The following RBBP5 variants were observed in gnomAD, a reference collection of about 807,000 sequenced individuals.
RBBP5 encodes RB binding protein 5, histone lysine methyltransferase complex subunit.
RBBP5 carries 5 observed loss-of-function variants against 72.2 expected under a neutral mutation model. That is an observed-to-expected ratio of 0.07 (90% confidence interval 0.04 to 0.15). The LOEUF (loss-of-function observed/expected upper bound fraction) is 0.15. Among genes scored for constraint, RBBP5 ranks in the 10% least tolerant of loss-of-function variants. The pLI, the probability that RBBP5 is intolerant of heterozygous loss-of-function variation, is 1.00. For synonymous variants in RBBP5, 209 were observed against 237.2 expected, an observed-to-expected ratio of 0.88 and a Z score of 1.09; for missense variants, 322 against 652.2, an observed-to-expected ratio of 0.49 and a Z score of 5.51.
intron 5 of RBBP5, among the ~76,000 whole-genome samples, chr1:205,102,839 C>T (rs1012226374): frequency 6.6e-6 from 1 of 151,792 alleles, no homozygotes; most frequent in African/African-American, 2.4e-5. Context: ...ACTAAAAATA[C>T]AAAATTAGCC....
intron 3 of RBBP5, among the ~76,000 whole-genome samples, chr1:205,108,976 A>C (rs969723612): frequency 1.3e-5 from 2 of 152,190 alleles, no homozygotes; most frequent in Admixed American, 1.3e-4. Context: ...TGCTCAAAAA[A>C]TTATTTATAT....
chr1:205,104,115 A>G, intron 4 of RBBP5, 96 bp from the exon 5 acceptor site: 2 of 1,302,464 alleles, frequency 1.5e-6, no homozygotes, highest in South Asian at 1.7e-5. Context: ...ACCCTCATCA[A>G]TTCTCCCACC....
At chr1:205,103,820 T>G (rs1239420967) in intron 5 of RBBP5, 37 bp downstream of exon 5, 2 of 1,592,336 alleles carry the variant, frequency 1.3e-6, no homozygotes, top group Non-Finnish European at 1.7e-6. Flanking sequence ...AATGAGCCAG[T>G]GTACAAGATG....
At chr1:205,088,959 A>C in intron 13 of RBBP5, 144 bp from the exon 14 acceptor site, 2 of 666,608 alleles carry the variant, frequency 3.0e-6, no homozygotes, top group Non-Finnish European at 4.9e-6. Flanking sequence ...TACATAACCA[A>C]CTCCAACTCC....
intron 3 of RBBP5, among the ~76,000 whole-genome samples, chr1:205,108,936 A>G (rs555177302): frequency 3.9e-5 from 6 of 152,314 alleles, no homozygotes; most frequent in South Asian, 2.1e-4. Flanking sequence ...CTGATACATA[A>G]TAAGTGCTCA....
chr1:205,095,811 C>T (rs1340498293), intron 12 of RBBP5, among the ~76,000 whole-genome samples: 1 of 152,092 alleles, frequency 6.6e-6, no homozygotes, highest in East Asian at 1.9e-4. Context: ...GTACATATAC[C>T]AAACAGTGTC....
chr1:205,090,775 G>A (rs1655313762), intron 13 of RBBP5, among the ~76,000 whole-genome samples: 1 of 152,000 alleles, frequency 6.6e-6, no homozygotes, highest in Non-Finnish European at 1.5e-5. Flanking sequence ...CCCTACCTTA[G>A]TTAGTTAATA....
At chr1:205,113,938 G>A (rs1174521569) in intron 3 of RBBP5, among the ~76,000 whole-genome samples, 1 of 152,194 alleles carries the variant, frequency 6.6e-6, no homozygotes, top group Non-Finnish European at 1.5e-5. Flanking sequence ...ACCCGCCTCA[G>A]CCTCCCAAAG....
chr1:205,108,040 C>T (rs1428436156), intron 3 of RBBP5, among the ~76,000 whole-genome samples: 6 of 150,512 alleles, frequency 4.0e-5, no homozygotes, highest in Admixed American at 1.3e-4. Context: ...GTCAAGAGAT[C>T]GAGACCATCC....
intron 13 of RBBP5, among the ~76,000 whole-genome samples, chr1:205,093,471 AAAAAAAAAATATATATATAT>A (rs1655440168): frequency 8.1e-5 from 1 of 12,334 alleles, no homozygotes; most frequent in African/African-American, 2.1e-4. Context: ...AAAAAAAAAA[AAAAAAAAAATATATATATAT>A]ATATATATAT....
intron 3 of RBBP5, among the ~76,000 whole-genome samples, chr1:205,112,808 A>G (rs981817362): frequency 2.0e-5 from 3 of 152,200 alleles, no homozygotes; most frequent in African/African-American, 7.2e-5. Context: ...GCACAATTAC[A>G]AACTATGCTT....
intron 1 of RBBP5, among the ~76,000 whole-genome samples, chr1:205,116,745 C>T (rs796092305): frequency 2.0e-5 from 3 of 152,232 alleles, no homozygotes; most frequent in Non-Finnish European, 2.9e-5. Context: ...ACCTGGGAGA[C>T]GGAGGTTGCA....
intron 5 of RBBP5, among the ~76,000 whole-genome samples, chr1:205,103,052 A>C (rs1354484270): frequency 6.6e-6 from 1 of 151,440 alleles, no homozygotes; most frequent in African/African-American, 2.4e-5. Context: ...TCACACCTAT[A>C]ATCACGGCAC....
intron 1 of RBBP5, among the ~76,000 whole-genome samples, chr1:205,116,929 C>T (rs1574720658): frequency 2.0e-5 from 3 of 152,346 alleles, no homozygotes; most frequent in Admixed American, 2.0e-4. Flanking sequence ...ACACCCCTTC[C>T]TGACTAATAA....
At position 205,099,672 on chromosome 1, in the gene RBBP5, C is replaced by T. The variant is rs150687190; in HGVS notation, c.978+69G>A. On this transcript the variant is annotated intron_variant, in intron 9 of 13. Transcript: ENST00000264515. This position sits in a 1 kb window ranked among gnomAD's most constrained non-coding sequence, Gnocchi z 4.7. ...AAATAAAAATGTAATTTTTAGCTTC[C>T]TATGTATAAGGTTCTTTGATAAAAA... 0.012 allele frequency: 17,157 copies of T among 1,407,694 alleles called. 134 individuals carry two copies. Among genetic ancestry groups the T allele is most frequent in the Non-Finnish European group, 0.015 (15,335 of 1,023,572 alleles). 87.2% of individuals were successfully genotyped at this position (1,407,694 alleles called of 1,614,324 possible).
At chr1:205,089,903 T>C (rs965601100) in intron 13 of RBBP5, among the ~76,000 whole-genome samples, 33 of 152,106 alleles carry the variant, frequency 2.2e-4, no homozygotes, top group African/African-American at 7.2e-5. Context: ...CCAGGCTGGA[T>C]TGCAATGGCG....
At chr1:205,121,184 C>A (rs1056181656) in intron 1 of RBBP5, among the ~76,000 whole-genome samples, 38 of 152,254 alleles carry the variant, frequency 2.5e-4, no homozygotes, top group African/African-American at 8.7e-4. Flanking sequence ...GGAGAAAGGA[C>A]CTACAGTTTT....
chr1:205,117,289 A>G (rs1355776954), intron 1 of RBBP5, among the ~76,000 whole-genome samples: 1 of 151,938 alleles, frequency 6.6e-6, no homozygotes, highest in Non-Finnish European at 1.5e-5. Context: ...TCTGACCTCA[A>G]GGGATCCACC....
chr1:205,096,315 A>G (rs1029013755), intron 12 of RBBP5, among the ~76,000 whole-genome samples: 1 of 152,206 alleles, frequency 6.6e-6, no homozygotes, highest in Non-Finnish European at 1.5e-5. Flanking sequence ...AAGGCTTCCC[A>G]AGTCAGACTC....
Sources: gnomAD v4.1 joint callset for allele counts (sites outside exome capture counted in the v4.1 genomes callset) on GRCh38, gnomAD v4.1.1 for gene constraint, Gnocchi (gnomAD v3.1) non-coding constraint, MANE v1.5 for transcripts, NCBI Gene and HGNC (gene_info 2026-07-23, HGNC 2026-07-21) for gene names.